Variants in ADAM12 observed in about 807,000 individuals in gnomAD.
ADAM12 encodes the protein disintegrin and metalloproteinase domain-containing protein 12.
A neutral mutation model predicts 106.4 loss-of-function variants in ADAM12; 70 were observed. The ratio of observed to expected loss-of-function variants is 0.66; its 90% CI spans 0.54 to 0.80. The LOEUF (loss-of-function observed/expected upper bound fraction) is 0.80, where lower values mean the gene tolerates loss of function less well. Ranked by LOEUF, ADAM12 falls within the 30% of genes least tolerant of loss-of-function variation. ADAM12 has a pLI of 0.00. For missense variants in ADAM12, 1,010 were observed against 1,171.9 expected (o/e 0.86, Z 2.02); for synonymous variants, 420 against 433.5 (o/e 0.97, Z 0.39).
At chr10:126,223,911 G>T (rs751039984) in intron 3 of ADAM12, among the ~76,000 whole-genome samples, 1 of 152,214 alleles carries the variant, frequency 6.6e-6, no homozygotes, top group African/African-American at 2.4e-5. Context: ...ATCCCTGGGG[G>T]TTCGTGCCCA....
chr10:126,093,421 G>A (rs541769744), intron 11 of ADAM12, among the ~76,000 whole-genome samples: 1 of 152,314 alleles, frequency 6.6e-6, no homozygotes, highest in Non-Finnish European at 1.5e-5. Context: ...CCAAAGCAGA[G>A]AAATCATTTC....
intron 21 of ADAM12, among the ~76,000 whole-genome samples, chr10:126,025,596 G>GC (rs528449987): frequency 9.9e-5 from 15 of 151,978 alleles, no homozygotes; most frequent in East Asian, 9.7e-4. Flanking sequence ...GCAGAACAGA[G>GC]CCCCCCCAGC....
intron 3 of ADAM12, among the ~76,000 whole-genome samples, chr10:126,213,194 T>C (rs1472591530): frequency 6.6e-6 from 1 of 152,204 alleles, no homozygotes; most frequent in Admixed American, 6.5e-5. Context: ...CTACTAAATA[T>C]AGTAACCTTA....
chr10:126,325,105 C>T (rs907586911), intron 2 of ADAM12, among the ~76,000 whole-genome samples: 4 of 151,852 alleles, frequency 2.6e-5, no homozygotes, highest in African/African-American at 9.7e-5. Flanking sequence ...GGGACAGAGC[C>T]AGGAAAGCTA....
At chr10:126,329,090 A>C (rs1250103159) in intron 2 of ADAM12, among the ~76,000 whole-genome samples, 2 of 151,954 alleles carry the variant, frequency 1.3e-5, no homozygotes, top group African/African-American at 2.4e-5. Context: ...GACAGGACAC[A>C]TTCAGTTAAA....
At chr10:126,260,892 G>T (rs990235364) in intron 3 of ADAM12, among the ~76,000 whole-genome samples, 22 of 152,060 alleles carry the variant, frequency 1.4e-4, no homozygotes, top group African/African-American at 5.3e-4. Context: ...CCATACAATT[G>T]GCCCTCCGCA....
At chr10:126,087,012 G>A (rs1226403308) in intron 11 of ADAM12, among the ~76,000 whole-genome samples, 7 of 138,658 alleles carry the variant, frequency 5.0e-5, no homozygotes, top group Non-Finnish European at 9.2e-5. Context: ...CAGCCTAGGT[G>A]ACAGAGCGAG....
chr10:126,225,862 G>A (rs1262129086), intron 3 of ADAM12, among the ~76,000 whole-genome samples: 2 of 152,144 alleles, frequency 1.3e-5, no homozygotes, highest in African/African-American at 4.8e-5. Context: ...ACGATGTTAC[G>A]ACAGGATGTA....
At chr10:126,146,410 T>C (rs932054816) in intron 4 of ADAM12, among the ~76,000 whole-genome samples, 2 of 152,116 alleles carry the variant, frequency 1.3e-5, no homozygotes, top group Non-Finnish European at 2.9e-5. Context: ...GAGTCCTAGT[T>C]AGGGAGGAGG....
At chr10:126,140,960 G>C (rs540926623) in intron 4 of ADAM12, among the ~76,000 whole-genome samples, 1 of 152,314 alleles carries the variant, frequency 6.6e-6, no homozygotes, top group Admixed American at 6.5e-5. Flanking sequence ...CACCGCTAGT[G>C]GCCAGCAGTG....
At position 126,053,405 on chromosome 10, in the gene ADAM12, C is replaced by A. The variant is rs1461909472; in HGVS notation, c.1610-3736G>T. 2.0e-5 allele frequency among the ~76,000 whole-genome samples: 3 copies of A among 152,130 alleles called. No individual in the cohort carries two copies. The highest frequency in any genetic ancestry group is 7.2e-5 in the African/African-American group (3 of 41,422). On this transcript the variant is annotated intron_variant, in intron 14 of 22. Coordinates refer to ENST00000448723, the MANE Select transcript of ADAM12 (RefSeq NM_001288973.2). This position sits in a 1 kb window ranked among gnomAD's most constrained non-coding sequence, Gnocchi z 4.6. The stretch of plus-strand genomic sequence containing the variant: ...CAGAAAACCAGGTGTGTGTAAGATG[C>A]AATGCCTTGTTTACCAATAACGCAG...
chr10:126,071,750 T>C (rs1014954123), intron 11 of ADAM12, 96 bp from the exon 12 acceptor site: 39 of 1,351,218 alleles, frequency 2.9e-5, no homozygotes, highest in Non-Finnish European at 4.0e-5. Flanking sequence ...TGGCCACATC[T>C]GCCCAGGTGT....
At chr10:126,303,270 C>T (rs1347952517) in intron 2 of ADAM12, among the ~76,000 whole-genome samples, 2 of 152,148 alleles carry the variant, frequency 1.3e-5, no homozygotes, top group Admixed American at 6.6e-5. Context: ...TGTATATCAC[C>T]AATGTAACAA....
chr10:126,093,555 C>T (rs1032639607), intron 11 of ADAM12, among the ~76,000 whole-genome samples: 2 of 152,206 alleles, frequency 1.3e-5, no homozygotes, highest in Non-Finnish European at 2.9e-5. Context: ...ACCCAGCACC[C>T]TCTAAAGACA....
chr10:126,120,309 A>C (rs914832892), intron 5 of ADAM12, among the ~76,000 whole-genome samples: 3 of 152,242 alleles, frequency 2.0e-5, no homozygotes, highest in Non-Finnish European at 4.4e-5. Flanking sequence ...GAATTGTAGA[A>C]GAATGATTAC....
chr10:126,084,015 A>G (rs891037783), intron 11 of ADAM12, among the ~76,000 whole-genome samples: 1 of 152,202 alleles, frequency 6.6e-6, no homozygotes, highest in Non-Finnish European at 1.5e-5. Context: ...ATGACCAGAA[A>G]GATCCTTAGT....
intron 3 of ADAM12, among the ~76,000 whole-genome samples, chr10:126,168,454 T>C (rs1565110807): frequency 6.6e-6 from 1 of 152,144 alleles, no homozygotes; most frequent in Non-Finnish European, 1.5e-5. Flanking sequence ...GAAGTTAATA[T>C]ATGCTATAGA....
intron 4 of ADAM12, among the ~76,000 whole-genome samples, chr10:126,137,814 G>A (rs892577948): frequency 1.3e-5 from 2 of 152,170 alleles, no homozygotes; most frequent in African/African-American, 4.8e-5. Context: ...TCTACTTTTT[G>A]ACTATTATGA....
rs199582085 is a variant in ADAM12 at position 126,038,341 on chromosome 10, C to T, written c.2249G>A (p.Arg750His). 4.8e-5 allele frequency: 77 copies of T among 1,591,196 alleles called. No homozygotes were observed. Among genetic ancestry groups the T allele is most frequent in the African/African-American group, 8.1e-5 (6 of 74,254 alleles). ...KTTIEKLRCV[R>H]PSRPPRGFQP... ...GAAGCCACGGGGTGGCCGGGAAGGG[C>T]GCACACACCTGCAACAGAATCCCAT... The change falls in exon 20 of 23, where the codon CGC becomes CAC. Residue 750 changes from arginine to histidine, a missense_variant. This residue lies in a region of ADAM12 where 615 missense variants were observed against 708.5 expected (regional missense o/e 0.87). Transcript: ENST00000448723.
Sources: allele counts gnomAD v4.1 joint callset (sites outside exome capture counted in the v4.1 genomes callset), GRCh38; gene constraint gnomAD v4.1.1; regional missense constraint gnomAD v4.1.1; non-coding constraint Gnocchi (gnomAD v3.1); transcripts MANE v1.5; gene names NCBI Gene and HGNC (gene_info 2026-07-23, HGNC 2026-07-21).